RBFOX1: variants seen among roughly 807,000 people sequenced by gnomAD.
The protein encoded by RBFOX1 is RNA binding fox-1 homolog 1.
Under a neutral mutation model 57.7 loss-of-function variants are expected in RBFOX1, and 8 were observed. The ratio of observed to expected loss-of-function variants is 0.14; its 90% CI spans 0.08 to 0.25. RBFOX1 has a LOEUF of 0.25. RBFOX1 is among the 10% of genes least tolerant of loss of function. The probability of loss-of-function intolerance (pLI) is 1.00; values close to 1 mark genes in which losing one functional copy is unlikely to be tolerated. For synonymous variants in RBFOX1, 326 were observed against 222.4 expected, an observed-to-expected ratio of 1.47 and a Z score of -4.15; for missense variants, 611 against 548.5, an observed-to-expected ratio of 1.11 and a Z score of -1.14.
At chr16:6,085,230 C>G (rs942649826) in intron 1 of RBFOX1, among the ~76,000 whole-genome samples, 1 of 152,164 alleles carries the variant, frequency 6.6e-6, no homozygotes, top group African/African-American at 2.4e-5. Context: ...TGGTTAGAAA[C>G]ATTGGCCTGA....
chr16:6,753,078 T>TAA (rs35392674), intron 3 of RBFOX1, among the ~76,000 whole-genome samples: 1 of 151,710 alleles, frequency 6.6e-6, no homozygotes. Flanking sequence ...AGTAATGGCA[T>TAA]AAAAAAATAC....
chr16:5,603,659 G>C (rs2047445571), downstream of RBFOX1, among the ~76,000 whole-genome samples: 1 of 152,166 alleles, frequency 6.6e-6, no homozygotes, highest in African/African-American at 2.4e-5. Flanking sequence ...GAAAAAATGA[G>C]GGTCTTTGCT....
At chr16:7,310,780 GTCCA>G (rs1029087600) in intron 4 of RBFOX1, among the ~76,000 whole-genome samples, 2 of 152,260 alleles carry the variant, frequency 1.3e-5, no homozygotes, top group African/African-American at 4.8e-5. Flanking sequence ...TCATTCACCT[GTCCA>G]TCCACCCATT....
chr16:6,728,233 G>C (rs942301694), intron 3 of RBFOX1, among the ~76,000 whole-genome samples: 8 of 152,192 alleles, frequency 5.3e-5, no homozygotes, highest in Non-Finnish European at 1.0e-4. Flanking sequence ...GCTTCTGCAG[G>C]ACTGCTATAT....
chr16:6,974,294 C>T (rs966429826), intron 3 of RBFOX1, among the ~76,000 whole-genome samples: 1 of 145,664 alleles, frequency 6.9e-6, no homozygotes, highest in Non-Finnish European at 1.5e-5. Context: ...TAGTAAATAA[C>T]AGTCCAGTTT....
intron 3 of RBFOX1, among the ~76,000 whole-genome samples, chr16:6,979,374 C>T (rs1343858707): frequency 2.9e-5 from 2 of 68,260 alleles, no homozygotes; most frequent in African/African-American, 9.2e-5. Context: ...ATTAGTTGAA[C>T]CTGAGCACTT....
At chr16:6,848,534 T>C (rs1315592493) in intron 3 of RBFOX1, among the ~76,000 whole-genome samples, 3 of 150,946 alleles carry the variant, frequency 2.0e-5, no homozygotes, top group African/African-American at 7.3e-5. Context: ...AATAGCTAGA[T>C]GGATATATAG....
chr16:7,033,973 G>C (rs1204766891), intron 3 of RBFOX1, among the ~76,000 whole-genome samples: 4 of 152,138 alleles, frequency 2.6e-5, no homozygotes, highest in African/African-American at 9.7e-5. Context: ...TGTCTAAAAT[G>C]TCTAAAATAA....
intron 3 of RBFOX1, among the ~76,000 whole-genome samples, chr16:6,845,560 C>T (rs562929511): frequency 1.3e-5 from 2 of 152,122 alleles, no homozygotes; most frequent in Admixed American, 1.3e-4. Flanking sequence ...TGCACCAGTG[C>T]CATGCTGTTT....
intron 3 of RBFOX1, among the ~76,000 whole-genome samples, chr16:5,794,367 T>C (rs2054804538): frequency 6.6e-6 from 1 of 152,172 alleles, no homozygotes; most frequent in Non-Finnish European, 1.5e-5. Context: ...CCATCATTAT[T>C]ATCATCATTG....
chr16:7,287,781 C>T (rs1241368929), intron 4 of RBFOX1, among the ~76,000 whole-genome samples: 1 of 152,108 alleles, frequency 6.6e-6, no homozygotes, highest in East Asian at 1.9e-4. Context: ...AAGTGGAGAA[C>T]ACAAATTAGT....
intron 4 of RBFOX1, among the ~76,000 whole-genome samples, chr16:7,265,151 G>T (rs559837640): frequency 6.6e-6 from 1 of 152,312 alleles, no homozygotes; most frequent in East Asian, 1.9e-4. Flanking sequence ...AGGGTGCAGT[G>T]GTTATCTTAG....
chr16:6,697,940 A>G (rs2061298045), intron 3 of RBFOX1, among the ~76,000 whole-genome samples: 1 of 152,174 alleles, frequency 6.6e-6, no homozygotes, highest in African/African-American at 2.4e-5. Flanking sequence ...CATCTGTTCT[A>G]TTAAGGAACC....
chr16:7,360,671 C>A (rs781677240), intron 4 of RBFOX1, among the ~76,000 whole-genome samples: 2 of 152,192 alleles, frequency 1.3e-5, no homozygotes, highest in African/African-American at 4.8e-5. Flanking sequence ...CTTGGAATGC[C>A]TGTGTCCCTG....
chr16:7,197,883 A>G (rs1426926898), intron 4 of RBFOX1, among the ~76,000 whole-genome samples: 2 of 152,158 alleles, frequency 1.3e-5, no homozygotes, highest in African/African-American at 4.8e-5. Flanking sequence ...GAGACAGAAA[A>G]CAGAATGGGG....
chr16:6,128,777 G>A (rs970982447), intron 1 of RBFOX1, among the ~76,000 whole-genome samples: 1 of 152,184 alleles, frequency 6.6e-6, no homozygotes, highest in East Asian at 1.9e-4. Context: ...TGAGCTAGAT[G>A]GTAAAACAAG....
intron 2 of RBFOX1, among the ~76,000 whole-genome samples, chr16:6,512,252 C>G: frequency 8.2e-6 from 1 of 122,326 alleles, no homozygotes; most frequent in Non-Finnish European, 1.6e-5. Context: ...CCACTGCATT[C>G]CAGCCTGGGT....
At chr16:6,852,626 C>G (rs533696974) in intron 3 of RBFOX1, among the ~76,000 whole-genome samples, 14 of 152,056 alleles carry the variant, frequency 9.2e-5, no homozygotes, top group African/African-American at 2.7e-4. Context: ...TGGGAACTAG[C>G]TGTCTGGGAG....
chr16:5,705,467 T>G (rs540016636), intron 3 of RBFOX1, among the ~76,000 whole-genome samples: 14 of 152,324 alleles, frequency 9.2e-5, no homozygotes, highest in East Asian at 1.9e-4. Flanking sequence ...CTCACTATAT[T>G]GCCCAGGCTG....
Sources: gnomAD v4.1 joint callset for allele counts (sites outside exome capture counted in the v4.1 genomes callset) on GRCh38, gnomAD v4.1.1 for gene constraint, MANE v1.5 for transcripts, NCBI Gene and HGNC (gene_info 2026-07-23, HGNC 2026-07-21) for gene names.